Variants in PKIA observed in about 807,000 individuals in gnomAD.
PKIA encodes cAMP-dependent protein kinase inhibitor alpha.
Under a neutral mutation model 7.6 loss-of-function variants are expected in PKIA, and 4 were observed. The observed-to-expected ratio is 0.52, with a 90% CI of 0.26 to 1.20. The LOEUF is 1.20. PKIA is among the 50% of genes most tolerant of loss of function. The pLI, the probability that PKIA is intolerant of heterozygous loss-of-function variation, is 0.13. For missense variants in PKIA, 73 were observed against 86.2 expected, an observed-to-expected ratio of 0.85 and a Z score of 0.61; for synonymous variants, 21 against 30.7, an observed-to-expected ratio of 0.68 and a Z score of 1.04.
chr8:78,526,443 C>T (rs953548960), intron 1 of PKIA, among the ~76,000 whole-genome samples: 2 of 151,938 alleles, frequency 1.3e-5, no homozygotes, highest in African/African-American at 2.4e-5. Flanking sequence ...AATGATATTA[C>T]GGGCATTAAA....
At chr8:78,540,256 C>G (rs77510834) in intron 1 of PKIA, among the ~76,000 whole-genome samples, 3 of 151,838 alleles carry the variant, frequency 2.0e-5, no homozygotes. Context: ...GCTACCCCTG[C>G]CCCTAGCAAG....
intron 1 of PKIA, among the ~76,000 whole-genome samples, chr8:78,522,886 T>C (rs1809443945): frequency 6.6e-6 from 1 of 151,974 alleles, no homozygotes; most frequent in Non-Finnish European, 1.5e-5. Flanking sequence ...AGTTTCTCTT[T>C]AATGTATTAT....
intron 1 of PKIA, among the ~76,000 whole-genome samples, chr8:78,565,748 G>T (rs1807396884): frequency 6.6e-6 from 1 of 151,742 alleles, no homozygotes; most frequent in Non-Finnish European, 1.5e-5. Flanking sequence ...TACAGGACCA[G>T]ATACAAAGCA....
chr8:78,524,373 A>G (rs1809502799), intron 1 of PKIA, among the ~76,000 whole-genome samples: 1 of 151,288 alleles, frequency 6.6e-6, no homozygotes, highest in African/African-American at 2.4e-5. Context: ...ATAAATTGTG[A>G]CAAGTCACTG....
At chr8:78,561,589 A>G (rs1446391022) in intron 1 of PKIA, among the ~76,000 whole-genome samples, 6 of 152,108 alleles carry the variant, frequency 3.9e-5, no homozygotes, top group Non-Finnish European at 8.8e-5. Context: ...TCTTAGGGTC[A>G]GTTGTACCCA....
At chr8:78,584,238 A>G (rs1807894644) in intron 2 of PKIA, among the ~76,000 whole-genome samples, 1 of 151,928 alleles carries the variant, frequency 6.6e-6, no homozygotes, top group Non-Finnish European at 1.5e-5. Flanking sequence ...CAGTTGAAAA[A>G]CAATTATTAT....
chr8:78,587,713 G>A (rs916016326), intron 2 of PKIA, among the ~76,000 whole-genome samples: 1 of 152,206 alleles, frequency 6.6e-6, no homozygotes, highest in East Asian at 1.9e-4. Context: ...TAGATTACTC[G>A]GGATTCTAGA....
At chr8:78,568,709 A>C (rs184528926) in intron 1 of PKIA, among the ~76,000 whole-genome samples, 32 of 152,214 alleles carry the variant, frequency 2.1e-4, no homozygotes, top group African/African-American at 7.7e-4. Context: ...CAGACAAAAA[A>C]AGCTCCAAGA....
At chr8:78,575,603 C>A (rs1807656004) in intron 2 of PKIA, among the ~76,000 whole-genome samples, 1 of 151,958 alleles carries the variant, frequency 6.6e-6, no homozygotes, top group African/African-American at 2.4e-5. Flanking sequence ...TCCTATTATA[C>A]ACGTGCAAGA....
intron 1 of PKIA, among the ~76,000 whole-genome samples, chr8:78,543,199 C>T (rs1421353862): frequency 4.6e-5 from 7 of 152,188 alleles, no homozygotes; most frequent in Non-Finnish European, 2.9e-5. Context: ...TAATGCAACC[C>T]AGAGAGCTGT....
At chr8:78,553,020 ACTTTT>A (rs1807023293) in intron 1 of PKIA, among the ~76,000 whole-genome samples, 1 of 151,230 alleles carries the variant, frequency 6.6e-6, no homozygotes, top group Admixed American at 6.6e-5. Context: ...CAAAAACTGT[ACTTTT>A]ATTTTTTAAA....
At chr8:78,554,979 G>C (rs927229839) in intron 1 of PKIA, among the ~76,000 whole-genome samples, 1 of 152,026 alleles carries the variant, frequency 6.6e-6, no homozygotes, top group Non-Finnish European at 1.5e-5. Context: ...GATGCTCAAA[G>C]TGGAGAGGGT....
At chr8:78,519,527 G>C (rs1809377038) in intron 1 of PKIA, among the ~76,000 whole-genome samples, 1 of 152,124 alleles carries the variant, frequency 6.6e-6, no homozygotes, top group Non-Finnish European at 1.5e-5. Flanking sequence ...AAATAGAAAT[G>C]TCATTTCTAT....
At chr8:78,588,205 A>G (rs1458897762) in intron 2 of PKIA, among the ~76,000 whole-genome samples, 2 of 152,348 alleles carry the variant, frequency 1.3e-5, no homozygotes, top group South Asian at 2.1e-4. Context: ...GACCAATAGG[A>G]GAATACCAAG....
intron 1 of PKIA, among the ~76,000 whole-genome samples, chr8:78,544,325 T>C (rs935910333): frequency 2.6e-5 from 4 of 152,182 alleles, no homozygotes; most frequent in African/African-American, 7.2e-5. Context: ...TGTGGTACTC[T>C]CTTTGCCTGA....
chr8:78,545,874 G>A (rs534001228), intron 1 of PKIA, among the ~76,000 whole-genome samples: 5 of 152,252 alleles, frequency 3.3e-5, no homozygotes, highest in East Asian at 3.9e-4. Context: ...CATCAGTACC[G>A]TTTGCCTCAT....
At chr8:78,521,000 TG>T (rs1731127059) in intron 1 of PKIA, among the ~76,000 whole-genome samples, 1 of 152,014 alleles carries the variant, frequency 6.6e-6, no homozygotes, top group African/African-American at 2.4e-5. Context: ...AGGAAGCAAG[TG>T]CTAGTGAAAA....
chr8:78,542,486 C>G (rs1353361893), intron 1 of PKIA, among the ~76,000 whole-genome samples: 1 of 152,200 alleles, frequency 6.6e-6, no homozygotes, highest in East Asian at 1.9e-4. Context: ...GTGAGGTGAT[C>G]AGAAATTAAG....
At chr8:78,564,244 C>A (rs1440270013) in intron 1 of PKIA, among the ~76,000 whole-genome samples, 1 of 151,914 alleles carries the variant, frequency 6.6e-6, no homozygotes, top group African/African-American at 2.4e-5. Flanking sequence ...TTAGTCAGAG[C>A]AGTATTCCCA....
Sources: gnomAD v4.1 joint callset for allele counts (sites outside exome capture counted in the v4.1 genomes callset) on GRCh38, gnomAD v4.1.1 for gene constraint, MANE v1.5 for transcripts, NCBI Gene and HGNC (gene_info 2026-07-23, HGNC 2026-07-21) for gene names.